ACAD11: variants seen among roughly 807,000 people sequenced by gnomAD.
ACAD11 encodes the protein acyl-Coenzyme A dehydrogenase family, member 11.
ACAD11 carries 83 observed loss-of-function variants against 102.2 expected under a neutral mutation model. The ratio of observed to expected loss-of-function variants is 0.81; its 90% CI spans 0.68 to 0.97. ACAD11 has a LOEUF of 0.97. Ranked by LOEUF, ACAD11 falls within the 50% of genes least tolerant of loss-of-function variation. The pLI, the probability that ACAD11 is intolerant of heterozygous loss-of-function variation, is 0.00. For missense variants in ACAD11, 901 were observed against 951.7 expected (o/e 0.95, Z 0.70); for synonymous variants, 324 against 319.8 (o/e 1.01, Z -0.14).
Position 132,561,235 on chromosome 3 carries a change from G to A in ACAD11, c.2002-18C>T, listed in dbSNP as rs994372012. On this transcript the variant is annotated intron_variant, in intron 17 of 19. Coordinates refer to ENST00000264990, the MANE Select transcript of ACAD11 (RefSeq NM_032169.5). ...ACAACCTCCTATAGGGGAGGAAAAG[G>A]CAGCAAAAGAAGGAGGAGCTAAGCT... The A allele has an allele frequency of 1.4e-5, 23 of 1,598,350 alleles. No individual in the cohort carries two copies. The highest frequency in any genetic ancestry group is 2.0e-5 in the Non-Finnish European group (23 of 1,166,404).
chr3:132,606,999 G>A (rs1018943949), intron 11 of ACAD11, among the ~76,000 whole-genome samples: 6 of 152,170 alleles, frequency 3.9e-5, no homozygotes, highest in Non-Finnish European at 5.9e-5. Context: ...AGGGTTGGGA[G>A]TGGACCTCCA....
intron 17 of ACAD11, among the ~76,000 whole-genome samples, chr3:132,562,989 T>G (rs1937106816): frequency 6.6e-6 from 1 of 152,196 alleles, no homozygotes; most frequent in South Asian, 2.1e-4. Flanking sequence ...CCATTTAGAG[T>G]TAAAATTTTG....
intron 13 of ACAD11, among the ~76,000 whole-genome samples, chr3:132,598,715 C>G (rs1938424396): frequency 6.6e-6 from 1 of 152,172 alleles, no homozygotes; most frequent in African/African-American, 2.4e-5. Flanking sequence ...TAGACAGATG[C>G]TGCTGCATGG....
At chr3:132,600,907 A>G (rs1465632117) in intron 13 of ACAD11, 2 of 1,612,186 alleles carry the variant, frequency 1.2e-6, no homozygotes, top group South Asian at 2.2e-5. Flanking sequence ...TGCTGAGCAT[A>G]CCCCAGCTGG....
Position 132,558,917 on chromosome 3 carries a change from G to T in ACAD11, c.*54C>A. 1.5e-6 allele frequency: 2 copies of T among 1,292,872 alleles called. No individual in the cohort carries two copies. Among genetic ancestry groups the T allele is most frequent in the Non-Finnish European group, 2.2e-6 (2 of 907,876 alleles). 80.1% of individuals were successfully genotyped at this position (1,292,872 alleles called of 1,614,324 possible). A position where few individuals can be genotyped will look rare whatever the true frequency, so the allele number is the denominator to read the frequency against. On this transcript the variant is annotated 3_prime_UTR_variant, in exon 20 of 20. Coordinates refer to ENST00000264990, the MANE Select transcript of ACAD11 (RefSeq NM_032169.5). ...ATGAGATTCAAATGTTGGAGCCAAT[G>T]AAGTTTGTATAAAGGAGAGTTTCTG...
At chr3:132,561,310 T>C in intron 17 of ACAD11, 93 bp from the exon 18 acceptor site, 1 of 901,390 alleles carries the variant, frequency 1.1e-6, no homozygotes, top group Non-Finnish European at 1.8e-6. Context: ...GTGAAAACAC[T>C]CTCTAAGCCA....
chr3:132,641,368 C>A (rs1006735928), intron 4 of ACAD11, among the ~76,000 whole-genome samples: 1 of 151,970 alleles, frequency 6.6e-6, no homozygotes. Context: ...ACGGTGAAAC[C>A]CCATGTCTAC....
At chr3:132,561,923 C>T (rs2107777186) in intron 17 of ACAD11, among the ~76,000 whole-genome samples, 1 of 152,250 alleles carries the variant, frequency 6.6e-6, no homozygotes, top group Non-Finnish European at 1.5e-5. Context: ...AATCATATAG[C>T]ATGTATTGTT....
intron 9 of ACAD11, 45 bp from the exon 10 acceptor site, chr3:132,619,590 C>T (rs1188314611): frequency 9.2e-7 from 1 of 1,082,390 alleles, no homozygotes; most frequent in African/African-American, 1.6e-5. Context: ...AAAGTTAATA[C>T]AAAGTAAACA....
intron 17 of ACAD11, among the ~76,000 whole-genome samples, chr3:132,570,043 T>C (rs1937331762): frequency 6.6e-6 from 1 of 152,178 alleles, no homozygotes; most frequent in Non-Finnish European, 1.5e-5. Context: ...AAAGTTGAAT[T>C]TAAAAATTGG....
At chr3:132,646,206 C>T (rs1365716840) in intron 1 of ACAD11, among the ~76,000 whole-genome samples, 1 of 152,184 alleles carries the variant, frequency 6.6e-6, no homozygotes, top group Non-Finnish European at 1.5e-5. Context: ...CCTCGTGATC[C>T]GCCCGCCTGG....
chr3:132,651,065 G>A (rs1249948269), intron 1 of ACAD11, among the ~76,000 whole-genome samples: 1 of 152,078 alleles, frequency 6.6e-6, no homozygotes, highest in African/African-American at 2.4e-5. Flanking sequence ...ATTCCATGAG[G>A]ATCCTGTTTC....
At chr3:132,586,164 A>C (rs1252074316) in intron 13 of ACAD11, among the ~76,000 whole-genome samples, 1 of 152,356 alleles carries the variant, frequency 6.6e-6, no homozygotes, top group Middle Eastern at 3.4e-3. Context: ...CACAGCCATA[A>C]AAAATGATGA....
Position 132,558,859 on chromosome 3 carries a change from T to A in ACAD11, c.*112A>T. Reference sequence around the variant, plus strand: ...TGCTATAATCTTTACCACAAATGAATAATTAACCCTGTGCTCAAACTGCTA... The same window carrying A: ...TGCTATAATCTTTACCACAAATGAAAAATTAACCCTGTGCTCAAACTGCTA... On this transcript the variant is annotated 3_prime_UTR_variant, in exon 20 of 20. Transcript: ENST00000264990. 1 of 733,934 alleles carries A rather than the reference T, an allele frequency of 1.4e-6. No homozygotes were observed. Among genetic ancestry groups the A allele is most frequent in the Non-Finnish European group, 2.3e-6 (1 of 437,950 alleles). The allele number at this position is 733,934 out of a possible 1,614,324, so 45.5% of individuals were successfully genotyped here. A position where few individuals can be genotyped will look rare whatever the true frequency, so the allele number is the denominator to read the frequency against.
At chr3:132,579,602 T>G in intron 13 of ACAD11, 44 bp from the exon 14 acceptor site, 31 of 1,486,008 alleles carry the variant, frequency 2.1e-5, no homozygotes, top group Non-Finnish European at 2.9e-5. Flanking sequence ...AGGAAATTTC[T>G]AGTTTGACAT....
At chr3:132,624,694 T>C (rs1476262561) in intron 9 of ACAD11, among the ~76,000 whole-genome samples, 1 of 150,630 alleles carries the variant, frequency 6.6e-6, no homozygotes, top group Non-Finnish European at 1.5e-5. Context: ...TCATTTGCTT[T>C]TTTGTCGTTG....
At chr3:132,583,529 T>C (rs559955928) in intron 13 of ACAD11, among the ~76,000 whole-genome samples, 8 of 152,228 alleles carry the variant, frequency 5.3e-5, no homozygotes, top group African/African-American at 1.7e-4. Context: ...TTTTGAAGGG[T>C]TTTTTGTGTC....
chr3:132,628,305 T>C, intron 8 of ACAD11, 35 bp downstream of exon 8: 1 of 1,503,708 alleles, frequency 6.7e-7, no homozygotes, highest in Non-Finnish European at 9.2e-7. Flanking sequence ...ATAAAGGCTC[T>C]AATTTGAGTT....
At position 132,578,738 on chromosome 3, in the gene ACAD11, AC is replaced by A; in HGVS notation, c.1774+57del. 3 of 1,569,800 alleles carry A rather than the reference AC, an allele frequency of 1.9e-6. No homozygotes were observed. In the South Asian group the frequency reaches 3.4e-5, roughly 18 times the overall value. Reference sequence around the variant, plus strand: ...TTAAAATGCTATTGCCTTCAATGTTACTGCATATTCTAGCCTTCCTGCTTGC... The same window carrying A: ...TTAAAATGCTATTGCCTTCAATGTTATGCATATTCTAGCCTTCCTGCTTGC... On this transcript the variant is annotated intron_variant, in intron 15 of 19. Transcript: ENST00000264990.
Sources: allele counts gnomAD v4.1 joint callset (sites outside exome capture counted in the v4.1 genomes callset), GRCh38; gene constraint gnomAD v4.1.1; transcripts MANE v1.5; gene names NCBI Gene and HGNC (gene_info 2026-07-23, HGNC 2026-07-21).